Variants in EYS observed in about 807,000 individuals in gnomAD.
The protein encoded by EYS is protein eyes shut homolog.
Under a neutral mutation model 282.1 loss-of-function variants are expected in EYS, and 250 were observed. That is an observed-to-expected ratio of 0.89 (90% CI 0.80 to 0.98). The LOEUF is 0.98. Among genes scored for constraint, EYS ranks in the 50% least tolerant of loss-of-function variants. The probability of loss-of-function intolerance (pLI) is 0.00; values close to 1 mark genes in which losing one functional copy is unlikely to be tolerated. For synonymous variants in EYS, 1,355 were observed against 1,282.9 expected (o/e 1.06, Z -1.20); for missense variants, 4,016 against 3,709.0 (o/e 1.08, Z -2.15).
intron 26 of EYS, among the ~76,000 whole-genome samples, chr6:64,573,967 A>T (rs1765803154): frequency 6.6e-6 from 1 of 151,930 alleles, no homozygotes; most frequent in South Asian, 2.1e-4. Flanking sequence ...CTATAAAGAC[A>T]CATACACATG....
intron 5 of EYS, among the ~76,000 whole-genome samples, chr6:65,465,118 A>C (rs1764955117): frequency 6.6e-6 from 1 of 152,178 alleles, no homozygotes; most frequent in Admixed American, 6.6e-5. Context: ...AGAACATACA[A>C]TGTCTATAAA....
At chr6:64,688,768 C>T (rs544991515) in intron 22 of EYS, among the ~76,000 whole-genome samples, 14 of 152,212 alleles carry the variant, frequency 9.2e-5, no homozygotes, top group African/African-American at 3.4e-4. Flanking sequence ...AGTTCAATTC[C>T]TGGATATCCT....
chr6:64,658,316 G>GGA (rs1349401083), intron 22 of EYS, among the ~76,000 whole-genome samples: 36 of 85,238 alleles, frequency 4.2e-4, no homozygotes, highest in African/African-American at 1.8e-3. Context: ...CCTTTAGCTC[G>GGA]GAAGTTTGAT....
At chr6:65,408,873 A>G (rs1385145487) in intron 5 of EYS, among the ~76,000 whole-genome samples, 1 of 152,130 alleles carries the variant, frequency 6.6e-6, no homozygotes, top group African/African-American at 2.4e-5. Context: ...ACTTAAGCAC[A>G]GTATAAGCAC....
At chr6:65,178,838 G>T (rs1249464369) in intron 12 of EYS, among the ~76,000 whole-genome samples, 1 of 151,986 alleles carries the variant, frequency 6.6e-6, no homozygotes, top group Non-Finnish European at 1.5e-5. Flanking sequence ...AAATGTAAAA[G>T]AACAGAAATT....
intron 12 of EYS, among the ~76,000 whole-genome samples, chr6:65,201,722 C>A (rs545169875): frequency 7.9e-5 from 12 of 152,196 alleles, no homozygotes; most frequent in African/African-American, 2.9e-4. Context: ...ATAACTATTT[C>A]AAAGCAATAA....
intron 26 of EYS, among the ~76,000 whole-genome samples, chr6:64,446,257 T>A (rs1319139043): frequency 6.6e-6 from 1 of 152,154 alleles, no homozygotes; most frequent in East Asian, 1.9e-4. Flanking sequence ...TCCCCTTGCA[T>A]GAGAATAACG....
At chr6:64,595,850 C>T (rs916611374) in intron 24 of EYS, among the ~76,000 whole-genome samples, 5 of 152,090 alleles carry the variant, frequency 3.3e-5, no homozygotes, top group African/African-American at 1.2e-4. Flanking sequence ...ATTTCAATGA[C>T]TGTATTAAAC....
chr6:63,762,552 G>A lies in EYS; in HGVS notation c.7980C>T (p.His2660=), dbSNP rs751040314. 9 of 1,550,400 alleles carry A rather than the reference G, an allele frequency of 5.8e-6. No individual in the cohort carries two copies. The Middle Eastern group carries it at 1.0e-3, about 173-fold the overall frequency. The change falls in exon 41 of 43, where the codon CAC becomes CAT. Residue 2660 remains histidine, a synonymous_variant. Coordinates refer to ENST00000503581, the MANE Select transcript of EYS (RefSeq NM_001142800.2). ...TGCAGGTTGCTCCTCTGCTACAGTG[G>A]TGTGGAGGGTCATGTTCAGGATCAC... The part of the protein sequence containing the change: ...STCDPEHDPP[H]HCSRGATCIS...
chr6:64,562,518 G>T (rs1765428681), intron 26 of EYS, among the ~76,000 whole-genome samples: 1 of 151,734 alleles, frequency 6.6e-6, no homozygotes, highest in Admixed American at 6.6e-5. Flanking sequence ...GAAAAAATTT[G>T]GTTTTCTCAT....
chr6:64,498,238 T>C lies in EYS; in HGVS notation c.5645-58886A>G, dbSNP rs1002701389. Among the ~76,000 whole-genome samples the C allele has an allele frequency of 5.3e-5, 8 of 152,130 alleles. No individual in the cohort carries two copies. The South Asian group carries it at 8.3e-4, about 16-fold the overall frequency. On this transcript the variant is annotated intron_variant, in intron 26 of 42. Coordinates refer to ENST00000503581, the MANE Select transcript of EYS (RefSeq NM_001142800.2). ...ATGCTCACAATACCCTATAGAGAGT[T>C]ACTAAATTATTATTATACAATTTTA...
At chr6:65,289,264 T>C (rs1389024957) in intron 12 of EYS, among the ~76,000 whole-genome samples, 1 of 151,056 alleles carries the variant, frequency 6.6e-6, no homozygotes, top group Non-Finnish European at 1.5e-5. Context: ...TTAGAACTAC[T>C]TGAAACTTAT....
intron 24 of EYS, among the ~76,000 whole-genome samples, chr6:64,617,131 C>A (rs968258738): frequency 5.9e-5 from 9 of 152,120 alleles, no homozygotes; most frequent in African/African-American, 2.2e-4. Flanking sequence ...ATCCTCCTTC[C>A]AAATGCATTA....
At chr6:64,485,757 A>G (rs1279909000) in intron 26 of EYS, among the ~76,000 whole-genome samples, 1 of 151,502 alleles carries the variant, frequency 6.6e-6, no homozygotes, top group Non-Finnish European at 1.5e-5. Context: ...ATTCCTCCAA[A>G]ATAAAGCACT....
intron 5 of EYS, among the ~76,000 whole-genome samples, chr6:65,482,561 G>A (rs1765646254): frequency 6.6e-6 from 1 of 152,152 alleles, no homozygotes; most frequent in Non-Finnish European, 1.5e-5. Context: ...TTCTTTCCAT[G>A]AGCAAAATTC....
chr6:64,680,305 A>G (rs1361978146), intron 22 of EYS, among the ~76,000 whole-genome samples: 1 of 152,186 alleles, frequency 6.6e-6, no homozygotes, highest in Non-Finnish European at 1.5e-5. Flanking sequence ...AAACGACCAT[A>G]ACTGGTAAAA....
intron 5 of EYS, among the ~76,000 whole-genome samples, chr6:65,456,545 A>C (rs1764625736): frequency 6.6e-6 from 1 of 151,936 alleles, no homozygotes; most frequent in African/African-American, 2.4e-5. Flanking sequence ...TTATAATTAT[A>C]AAAAAAAGAA....
chr6:65,017,612 G>A (rs1405816724), intron 13 of EYS, among the ~76,000 whole-genome samples: 1 of 152,100 alleles, frequency 6.6e-6, no homozygotes, highest in Non-Finnish European at 1.5e-5. Flanking sequence ...TTTCTTTTGA[G>A]CGTAAACAAT....
chr6:63,918,104 A>G (rs1460730570), intron 35 of EYS, among the ~76,000 whole-genome samples: 1 of 152,254 alleles, frequency 6.6e-6, no homozygotes, highest in Non-Finnish European at 1.5e-5. Context: ...AATGCAGATA[A>G]TATTGGCAAC....
Sources: allele counts gnomAD v4.1 joint callset (sites outside exome capture counted in the v4.1 genomes callset), GRCh38; gene constraint gnomAD v4.1.1; transcripts MANE v1.5; gene names NCBI Gene and HGNC (gene_info 2026-07-23, HGNC 2026-07-21).